Variants in CPNE8 observed in about 807,000 individuals in gnomAD.
CPNE8 encodes copine-8.
Under a neutral mutation model 81.5 loss-of-function variants are expected in CPNE8, and 45 were observed. That is an observed-to-expected ratio of 0.55 (90% confidence interval 0.44 to 0.71). CPNE8 has a LOEUF of 0.71. CPNE8 is among the 30% of genes least tolerant of loss of function. The probability of loss-of-function intolerance (pLI) is 0.00; values close to 1 mark genes in which losing one functional copy is unlikely to be tolerated. For missense variants in CPNE8, 594 were observed against 672.1 expected, an observed-to-expected ratio of 0.88 and a Z score of 1.28; for synonymous variants, 252 against 226.3, an observed-to-expected ratio of 1.11 and a Z score of -1.02.
intron 10 of CPNE8, among the ~76,000 whole-genome samples, chr12:38,737,163 CAAAA>C (rs1028443355): frequency 1.3e-5 from 2 of 151,138 alleles, no homozygotes; most frequent in African/African-American, 4.9e-5. Context: ...ATACGCAAAA[CAAAA>C]AAGCAGCACT....
intron 18 of CPNE8, chr12:38,671,122 G>A (rs1447899048): frequency 5.1e-6 from 1 of 197,260 alleles, no homozygotes; most frequent in Non-Finnish European, 1.0e-5. Context: ...TCTAAACTTC[G>A]GGTTATATGG....
intron 6 of CPNE8, among the ~76,000 whole-genome samples, chr12:38,818,955 A>C (rs4002228): frequency 0.88 from 133,360 of 152,222 alleles, 58,752 homozygotes; most frequent in Non-Finnish European, 0.93. Flanking sequence ...CTGTTCACAT[A>C]CTTTGCCCAC....
chr12:38,666,746 T>C (rs1939064686), intron 19 of CPNE8, among the ~76,000 whole-genome samples: 1 of 152,126 alleles, frequency 6.6e-6, no homozygotes, highest in Admixed American at 6.6e-5. Context: ...TTAAATGCCA[T>C]GTTTAGGTGT....
intron 6 of CPNE8, among the ~76,000 whole-genome samples, chr12:38,813,424 T>C (rs75702023): frequency 0.013 from 1,921 of 152,262 alleles, 48 homozygotes; most frequent in African/African-American, 0.043. Context: ...CTATCTAACC[T>C]AGAAAACTGT....
intron 11 of CPNE8, among the ~76,000 whole-genome samples, chr12:38,727,853 G>A (rs1044300980): frequency 4.6e-5 from 7 of 152,300 alleles, no homozygotes; most frequent in Non-Finnish European, 8.8e-5. Flanking sequence ...AAGATCTAGG[G>A]AATTCTTATC....
intron 6 of CPNE8, among the ~76,000 whole-genome samples, chr12:38,789,705 G>C (rs1942278711): frequency 6.6e-6 from 1 of 151,482 alleles, no homozygotes; most frequent in Non-Finnish European, 1.5e-5. Flanking sequence ...ATCTGACAAG[G>C]GATTCATAAT....
At chr12:38,738,241 T>A (rs7296930) in intron 10 of CPNE8, among the ~76,000 whole-genome samples, 8,537 of 152,198 alleles carry the variant, frequency 0.056, 310 homozygotes, top group Non-Finnish European at 0.085. Flanking sequence ...CTTTCAAACA[T>A]GGGGGGAAAA....
chr12:38,671,002 C>G lies in CPNE8; in HGVS notation c.1433-200G>C, dbSNP rs552665243. On this transcript the variant is annotated intron_variant, in intron 18 of 19. Coordinates refer to ENST00000331366, the MANE Select transcript of CPNE8 (RefSeq NM_153634.3). ...CATTTTACAGACAAAGAAAGTGAAC[C>G]AAGATCTTTTGTGACTCTTTGAAAG... The G allele has an allele frequency of 2.8e-5, 14 of 493,472 alleles. 1 individual carries two copies. The South Asian group carries it at 3.4e-4, about 12-fold the overall frequency. The allele number at this position is 493,472 out of a possible 1,614,324, so 30.6% of individuals were successfully genotyped here.
intron 3 of CPNE8, among the ~76,000 whole-genome samples, chr12:38,866,612 A>G (rs1315285204): frequency 6.6e-6 from 1 of 152,202 alleles, no homozygotes; most frequent in Non-Finnish European, 1.5e-5. Flanking sequence ...TGATGCTATA[A>G]TTCAAATTCC....
At chr12:38,860,855 T>C (rs962893201) in intron 3 of CPNE8, among the ~76,000 whole-genome samples, 1 of 152,082 alleles carries the variant, frequency 6.6e-6, no homozygotes, top group African/African-American at 2.4e-5. Flanking sequence ...GAGGGAAAAC[T>C]GGGAAGAATT....
chr12:38,807,271 CA>C (rs1168401286), intron 6 of CPNE8, among the ~76,000 whole-genome samples: 5 of 146,878 alleles, frequency 3.4e-5, no homozygotes, highest in Admixed American at 6.9e-5. Context: ...CATATGGAAC[CA>C]AAAAAGAGCC....
intron 1 of CPNE8, among the ~76,000 whole-genome samples, chr12:38,892,119 A>G (rs982914965): frequency 6.6e-6 from 1 of 152,168 alleles, no homozygotes; most frequent in African/African-American, 2.4e-5. Flanking sequence ...GAGAGCCACA[A>G]ATGGGGGAAA....
At position 38,710,242 on chromosome 12, in the gene CPNE8, T is replaced by C. The variant is rs1041900518; in HGVS notation, c.915-7321A>G. On this transcript the variant is annotated intron_variant, in intron 13 of 19. Coordinates refer to ENST00000331366, the MANE Select transcript of CPNE8 (RefSeq NM_153634.3). ...TTTTCTAACCAATAGTTAGAAAATA[T>C]ATGTGACATAATCAAAATAAGCTAA... 5.5e-5 allele frequency among the ~76,000 whole-genome samples: 4 copies of C among 72,372 alleles called. No homozygotes were observed. In the East Asian group the frequency reaches 1.1e-3, roughly 20 times the overall value. The allele number at this position is 72,372 out of a possible 152,430, so 47.5% of individuals were successfully genotyped here. A position where few individuals can be genotyped will look rare whatever the true frequency, so the allele number is the denominator to read the frequency against.
intron 8 of CPNE8, among the ~76,000 whole-genome samples, chr12:38,766,138 G>A (rs1048108297): frequency 5.9e-5 from 9 of 152,146 alleles, no homozygotes; most frequent in African/African-American, 1.9e-4. Context: ...GATTACAGGC[G>A]TGAGCCACCG....
intron 6 of CPNE8, among the ~76,000 whole-genome samples, chr12:38,816,722 T>C (rs941061584): frequency 1.1e-4 from 17 of 152,218 alleles, no homozygotes; most frequent in Non-Finnish European, 1.3e-4. Flanking sequence ...AAATATATAC[T>C]GGAATGTAGC....
intron 3 of CPNE8, among the ~76,000 whole-genome samples, chr12:38,868,347 AAAGT>A (rs1348550315): frequency 6.6e-6 from 1 of 152,172 alleles, no homozygotes; most frequent in African/African-American, 2.4e-5. Flanking sequence ...AACTATTAAT[AAAGT>A]ATCTAAATTT....
chr12:38,731,314 C>T (rs565306757), intron 10 of CPNE8, among the ~76,000 whole-genome samples: 1 of 152,002 alleles, frequency 6.6e-6, no homozygotes, highest in African/African-American at 2.4e-5. Flanking sequence ...CAAGCTATTC[C>T]TTGCCATAAA....
intron 15 of CPNE8, among the ~76,000 whole-genome samples, chr12:38,691,692 T>A (rs1037986291): frequency 8.5e-5 from 13 of 152,136 alleles, no homozygotes; most frequent in Non-Finnish European, 2.9e-5. Flanking sequence ...TACCTGAGAT[T>A]GGGTAATTTA....
intron 19 of CPNE8, among the ~76,000 whole-genome samples, chr12:38,668,895 CA>C (rs905008812): frequency 2.0e-5 from 3 of 150,418 alleles, no homozygotes; most frequent in South Asian, 2.1e-4. Context: ...TAAAAAAATA[CA>C]AAAAAAAATT....
Sources: allele counts gnomAD v4.1 joint callset (sites outside exome capture counted in the v4.1 genomes callset), GRCh38; gene constraint gnomAD v4.1.1; transcripts MANE v1.5; gene names NCBI Gene and HGNC (gene_info 2026-07-23, HGNC 2026-07-21).